CAMK2G: variants seen among roughly 807,000 people sequenced by gnomAD.
CAMK2G encodes calcium/calmodulin dependent protein kinase II gamma.
Under a neutral mutation model 88.7 loss-of-function variants are expected in CAMK2G, and 23 were observed. The ratio of observed to expected loss-of-function variants is 0.26; its 90% CI spans 0.19 to 0.37. The LOEUF (loss-of-function observed/expected upper bound fraction) is 0.37. Ranked by LOEUF, CAMK2G falls within the 10% of genes least tolerant of loss-of-function variation. The pLI is 1.00. For synonymous variants in CAMK2G, 263 were observed against 294.8 expected (o/e 0.89, Z 1.11); for missense variants, 476 against 780.8 (o/e 0.61, Z 4.65).
intron 19 of CAMK2G, chr10:73,818,561 G>GC (rs1329300182): frequency 1.0e-5 from 4 of 395,064 alleles, no homozygotes; most frequent in Admixed American, 5.7e-5. Context: ...CACCACCACG[G>GC]CCCAGCCGGG....
chr10:73,840,676 G>A (rs1421271271), intron 12 of CAMK2G, among the ~76,000 whole-genome samples: 1 of 152,236 alleles, frequency 6.6e-6, no homozygotes, highest in African/African-American at 2.4e-5. Context: ...GGAGGGGGAG[G>A]CTGATGTGGA....
At chr10:73,836,621 G>A (rs571530305) in intron 14 of CAMK2G, among the ~76,000 whole-genome samples, 2 of 152,144 alleles carry the variant, frequency 1.3e-5, no homozygotes, top group African/African-American at 2.4e-5. Flanking sequence ...AACGGGGCTT[G>A]TGTGTGTATC....
At position 73,839,372 on chromosome 10, in the gene CAMK2G, A is replaced by G. The variant is rs569426822; in HGVS notation, c.1009+167T>C. ...GCATGGCTGGTTAGGGGGCTCCATA[A>G]CAACGATGCGCTTGCAGATGCCAAG... On this transcript the variant is annotated intron_variant, in intron 13 of 22. Coordinates refer to ENST00000423381, the MANE Select transcript of CAMK2G (RefSeq NM_001367534.1). This position sits in a 1 kb window ranked among gnomAD's most constrained non-coding sequence, Gnocchi z 4.2. Among the ~76,000 whole-genome samples, 23 of 152,356 alleles carry G rather than the reference A, an allele frequency of 1.5e-4. No individual in the cohort carries two copies. Among genetic ancestry groups the G allele is most frequent in the Admixed American group, 2.6e-4 (4 of 15,312 alleles).
intron 21 of CAMK2G, chr10:73,816,231 C>A (rs1283954776): frequency 3.0e-6 from 3 of 987,932 alleles, no homozygotes; most frequent in Non-Finnish European, 3.6e-6. Context: ...TACACCCCAC[C>A]CCCTATACAA....
chr10:73,873,322 G>T, intron 1 of CAMK2G: 1 of 1,358,666 alleles, frequency 7.4e-7, no homozygotes, highest in Non-Finnish European at 9.5e-7. Flanking sequence ...TCCAGTCCCT[G>T]GGCAAGGCAA....
intron 14 of CAMK2G, among the ~76,000 whole-genome samples, chr10:73,835,897 C>T (rs1429582535): frequency 6.6e-6 from 1 of 152,136 alleles, no homozygotes; most frequent in Non-Finnish European, 1.5e-5. Flanking sequence ...TGCAATGGCG[C>T]AATCTTGGCT....
intron 17 of CAMK2G, among the ~76,000 whole-genome samples, chr10:73,823,099 T>A (rs1396622382): frequency 1.3e-5 from 2 of 152,222 alleles, no homozygotes; most frequent in Non-Finnish European, 2.9e-5. Context: ...TGACCTCAAG[T>A]GATCCGCCCG....
In CAMK2G at chr10:73,856,127, G is replaced by A. The variant is rs528252598; in HGVS notation, c.221-2881C>T. Among the ~76,000 whole-genome samples the A allele has an allele frequency of 2.6e-5, 4 of 152,190 alleles. No individual in the cohort carries two copies. The East Asian group carries it at 7.7e-4, about 29-fold the overall frequency. On this transcript the variant is annotated intron_variant, in intron 3 of 22. Coordinates refer to ENST00000423381, the MANE Select transcript of CAMK2G (RefSeq NM_001367534.1). ...CAACTAACACTTAGTTGAGCTGTCC[G>A]TGTGCCGGCATCGTTCCATGGGCTC...
intron 15 of CAMK2G, among the ~76,000 whole-genome samples, chr10:73,825,960 T>C (rs1307056614): frequency 1.3e-5 from 2 of 152,190 alleles, no homozygotes; most frequent in Non-Finnish European, 2.9e-5. Flanking sequence ...CACCTTTTTG[T>C]CTGACAAATC....
rs1221491288 is a variant in CAMK2G at position 73,860,861 on chromosome 10, C to A, written c.189G>T (p.Arg63=). The A allele has an allele frequency of 6.2e-7, 1 of 1,613,820 alleles. No homozygotes were observed. The highest frequency in any genetic ancestry group is 1.3e-5 in the African/African-American group (1 of 74,916). Reference sequence around the variant, plus strand: ...TTGGATGTTTCAGAAGTCGACATATCCGAGCCTCACGTTCTAGTTTCTGGT... The same window carrying A: ...TTGGATGTTTCAGAAGTCGACATATACGAGCCTCACGTTCTAGTTTCTGGT... ...RDHQKLEREA[R]ICRLLKHPNI... Residue 63 remains arginine (R), a synonymous_variant, in exon 3 of 23, where the codon CGG becomes CGT. Coordinates refer to ENST00000423381, the MANE Select transcript of CAMK2G (RefSeq NM_001367534.1).
intron 2 of CAMK2G, among the ~76,000 whole-genome samples, chr10:73,862,621 G>T (rs1424673028): frequency 6.6e-6 from 1 of 152,180 alleles, no homozygotes; most frequent in Non-Finnish European, 1.5e-5. Context: ...AGAGTAATCT[G>T]CCTAAGGTAA....
In CAMK2G at chr10:73,839,220, G is replaced by C. The variant is rs2093540227; in HGVS notation, c.1009+319C>G. ...ACCGGGCAGCTCAGGGCAATGCCCA[G>C]CACTGTCTCTGAGGGCCCACTGTTG... On this transcript the variant is annotated intron_variant, in intron 13 of 22. Transcript: ENST00000423381. The surrounding 1 kb of genome is among the most constrained non-coding windows in gnomAD (Gnocchi z 4.2). Among the ~76,000 whole-genome samples the C allele has an allele frequency of 6.6e-6, 1 of 152,236 alleles. No homozygotes were observed. Among genetic ancestry groups the C allele is most frequent in the South Asian group, 2.1e-4 (1 of 4,834 alleles).
intron 12 of CAMK2G, among the ~76,000 whole-genome samples, chr10:73,840,503 C>T (rs1374508068): frequency 6.6e-6 from 1 of 152,186 alleles, no homozygotes; most frequent in Non-Finnish European, 1.5e-5. Context: ...AGAGGCCATC[C>T]TGGAATGCTT....
intron 3 of CAMK2G, among the ~76,000 whole-genome samples, chr10:73,854,436 C>T (rs781406824): frequency 5.3e-5 from 8 of 152,190 alleles, no homozygotes; most frequent in African/African-American, 4.8e-5. Flanking sequence ...GAAACGACTC[C>T]GCTTTGGCTG....
At position 73,848,748 on chromosome 10, in the gene CAMK2G, G is replaced by A; in HGVS notation, c.518-139C>T. 3.1e-6 allele frequency: 2 copies of A among 651,394 alleles called. No individual in the cohort carries two copies. The highest frequency in any genetic ancestry group is 2.8e-5 in the Admixed American group (1 of 36,344). 40.4% of individuals were successfully genotyped at this position (651,394 alleles called of 1,614,324 possible). ...TCTCAGCACATGGGCAGCAAGAGCT[G>A]ACAGGCTGGGCTTCTTGTAGCGCCT... On this transcript the variant is annotated intron_variant, in intron 7 of 22. Transcript: ENST00000423381. This position sits in a 1 kb window ranked among gnomAD's most constrained non-coding sequence, Gnocchi z 4.5.
chr10:73,818,819 T>C lies in CAMK2G; in HGVS notation c.1363+713A>G, dbSNP rs368707751. 2.9e-3 allele frequency: 1,310 copies of C among 456,122 alleles called. 26 individuals carry two copies. Among genetic ancestry groups the C allele is most frequent in the South Asian group, 0.019 (1,255 of 64,556 alleles). 28.3% of individuals were successfully genotyped at this position (456,122 alleles called of 1,614,324 possible). The stretch of plus-strand genomic sequence containing the variant: ...ACTGGGGCCCCACGGGCGAAGAGGG[T>C]TGTGCTTAGAAACTCTGCAAGGATA... On this transcript the variant is annotated intron_variant, in intron 19 of 22. Coordinates refer to ENST00000423381, the MANE Select transcript of CAMK2G (RefSeq NM_001367534.1).
chr10:73,834,430 C>T (rs1014484374), intron 14 of CAMK2G, among the ~76,000 whole-genome samples: 4 of 152,214 alleles, frequency 2.6e-5, no homozygotes, highest in Non-Finnish European at 5.9e-5. Flanking sequence ...AGACACACAA[C>T]ACATTGCAGG....
At chr10:73,859,707 T>C (rs1311223647) in intron 3 of CAMK2G, among the ~76,000 whole-genome samples, 2 of 152,256 alleles carry the variant, frequency 1.3e-5, no homozygotes, top group African/African-American at 4.8e-5. Flanking sequence ...TAATCCAAGC[T>C]GCTGATTGCC....
chr10:73,817,242 G>A, intron 20 of CAMK2G, 125 bp from the exon 21 acceptor site: 1 of 1,334,730 alleles, frequency 7.5e-7, no homozygotes, highest in South Asian at 1.5e-5. Context: ...AGACAGCAAA[G>A]ATCTTCCAGG....
Sources: gnomAD v4.1 joint callset for allele counts (sites outside exome capture counted in the v4.1 genomes callset) on GRCh38, gnomAD v4.1.1 for gene constraint, Gnocchi (gnomAD v3.1) non-coding constraint, MANE v1.5 for transcripts, NCBI Gene and HGNC (gene_info 2026-07-23, HGNC 2026-07-21) for gene names.